Variants in CDH20 observed in about 807,000 individuals in gnomAD.
CDH20 encodes the protein cadherin-20.
In CDH20, 29 loss-of-function variants were observed where a neutral mutation model predicts 74.2. The ratio of observed to expected loss-of-function variants is 0.39; its 90% CI spans 0.29 to 0.53. The LOEUF (loss-of-function observed/expected upper bound fraction) is 0.53, where lower values mean the gene tolerates loss of function less well. Among genes scored for constraint, CDH20 ranks in the 20% least tolerant of loss-of-function variants. CDH20 has a pLI of 0.69. For missense variants in CDH20, 988 were observed against 1,048.3 expected, an observed-to-expected ratio of 0.94 and a Z score of 0.79; for synonymous variants, 469 against 405.4, an observed-to-expected ratio of 1.16 and a Z score of -1.88.
chr18:61,517,477 G>A (rs749905299), intron 6 of CDH20, among the ~76,000 whole-genome samples: 1 of 152,200 alleles, frequency 6.6e-6, no homozygotes, highest in Non-Finnish European at 1.5e-5. Context: ...CCTGGGAAGT[G>A]CAAGGGGTCA....
chr18:61,370,232 C>T (rs901244416), intron 1 of CDH20, among the ~76,000 whole-genome samples: 1 of 151,982 alleles, frequency 6.6e-6, no homozygotes, highest in Non-Finnish European at 1.5e-5. Context: ...GGAAATGAAA[C>T]AATATCAAGT....
chr18:61,432,691 G>C (rs1228483692), intron 1 of CDH20, among the ~76,000 whole-genome samples: 1 of 152,168 alleles, frequency 6.6e-6, no homozygotes, highest in Admixed American at 6.5e-5. Flanking sequence ...TGATGGCACA[G>C]AGCTGTGCAC....
intron 6 of CDH20, among the ~76,000 whole-genome samples, chr18:61,512,023 C>A (rs866414872): frequency 6.6e-6 from 1 of 152,292 alleles, no homozygotes; most frequent in East Asian, 1.9e-4. Flanking sequence ...CGCCCATCTT[C>A]CCACTTTGTC....
chr18:61,500,102 TAAAAAAAAAAAAAAAAAAAAAAA>T (rs534695760), intron 3 of CDH20, among the ~76,000 whole-genome samples: 37 of 56,576 alleles, frequency 6.5e-4, no homozygotes, highest in South Asian at 1.9e-3. Flanking sequence ...GACTCCATCT[TAAAAAAAAAAAAAAAAAAAAAAA>T]AAAAAAAAAA....
intron 1 of CDH20, among the ~76,000 whole-genome samples, chr18:61,379,296 C>T (rs1911354907): frequency 6.6e-6 from 1 of 152,156 alleles, no homozygotes; most frequent in South Asian, 2.1e-4. Flanking sequence ...ATTTCAACAG[C>T]TGTGAAGCAT....
chr18:61,512,660 T>C (rs1911826259), intron 6 of CDH20, among the ~76,000 whole-genome samples: 1 of 152,200 alleles, frequency 6.6e-6, no homozygotes. Flanking sequence ...TATAATATAT[T>C]TAAAGACATT....
chr18:61,416,173 C>A (rs2144260759), intron 1 of CDH20, among the ~76,000 whole-genome samples: 1 of 152,160 alleles, frequency 6.6e-6, no homozygotes, highest in Admixed American at 6.5e-5. Context: ...TAAATTTTCT[C>A]TTTGTTCTTT....
intron 1 of CDH20, among the ~76,000 whole-genome samples, chr18:61,423,510 C>A (rs1024823609): frequency 1.3e-5 from 2 of 152,162 alleles, no homozygotes; most frequent in Non-Finnish European, 2.9e-5. Flanking sequence ...CCTGACTCCC[C>A]TGAATATGCT....
rs577528269 is a variant in CDH20, at chr18:61,512,743, C to A, written c.1017+5183C>A. Among the ~76,000 whole-genome samples the A allele has an allele frequency of 9.4e-3, 1,435 of 152,160 alleles. 27 individuals carry two copies. The highest frequency in any genetic ancestry group is 0.032 in the African/African-American group (1,334 of 41,520). Reference sequence around the variant, plus strand: ...GTTTCAAAGAACATCTTTATTTCTGCCTTCATTTCGTTATGTACCCAGTAG... The same window carrying A: ...GTTTCAAAGAACATCTTTATTTCTGACTTCATTTCGTTATGTACCCAGTAG... On this transcript the variant is annotated intron_variant, in intron 6 of 11. Coordinates refer to ENST00000262717, the MANE Select transcript of CDH20 (RefSeq NM_031891.4).
At chr18:61,474,416 AG>A (rs1362077296) in intron 1 of CDH20, among the ~76,000 whole-genome samples, 1 of 152,110 alleles carries the variant, frequency 6.6e-6, no homozygotes, top group Non-Finnish European at 1.5e-5. Flanking sequence ...TTTCATCTTT[AG>A]GGCTCCATGG....
chr18:61,420,317 T>C (rs749968128), intron 1 of CDH20, among the ~76,000 whole-genome samples: 1 of 151,908 alleles, frequency 6.6e-6, no homozygotes, highest in Non-Finnish European at 1.5e-5. Context: ...ATGATTTCAG[T>C]AGGAGCACAA....
At position 61,353,067 on chromosome 18, in the gene CDH20, C is replaced by G. The variant is rs114737778; in HGVS notation, c.-153+19240C>G. On this transcript the variant is annotated intron_variant, in intron 1 of 11. Transcript: ENST00000262717. The surrounding 1 kb of genome is among the most constrained non-coding windows in gnomAD (Gnocchi z 4.6). ...AGCAACCTTCACATGCTGTCCATAGCTTCTATTTTATGGCTACCCTGGTCA... is the reference window on the plus strand; with the variant it reads ...AGCAACCTTCACATGCTGTCCATAGGTTCTATTTTATGGCTACCCTGGTCA... Among the ~76,000 whole-genome samples, 1 of 152,224 alleles carries G rather than the reference C, an allele frequency of 6.6e-6. No homozygotes were observed. The highest frequency in any genetic ancestry group is 2.4e-5 in the African/African-American group (1 of 41,454).
At chr18:61,456,206 T>C (rs1909566302) in intron 1 of CDH20, among the ~76,000 whole-genome samples, 1 of 152,232 alleles carries the variant, frequency 6.6e-6, no homozygotes, top group South Asian at 2.1e-4. Context: ...TGCTACATAA[T>C]AAACTTCAAT....
chr18:61,414,162 T>C (rs1912608456), intron 1 of CDH20, among the ~76,000 whole-genome samples: 1 of 152,098 alleles, frequency 6.6e-6, no homozygotes. Flanking sequence ...GTCGATGTGG[T>C]TGGTACTATA....
rs537056107 is a variant in CDH20 at position 61,475,282 on chromosome 18, G to T, written c.-152-15120G>T. 3.3e-5 allele frequency among the ~76,000 whole-genome samples: 5 copies of T among 152,304 alleles called. No homozygotes were observed. The South Asian group carries it at 1.0e-3, about 32-fold the overall frequency. ...CAGGTCTAAGTAGCCAGATATAGGG[G>T]TGTGAAGGTGGGGATGGAAGAAATC... On this transcript the variant is annotated intron_variant, in intron 1 of 11. Coordinates refer to ENST00000262717, the MANE Select transcript of CDH20 (RefSeq NM_031891.4).
intron 1 of CDH20, among the ~76,000 whole-genome samples, chr18:61,366,956 G>T (rs1910882302): frequency 1.3e-5 from 2 of 152,238 alleles, no homozygotes; most frequent in South Asian, 4.2e-4. Flanking sequence ...GCGCAAACAG[G>T]TAAAATCAAT....
intron 6 of CDH20, 73 bp downstream of exon 6, chr18:61,507,633 T>C: frequency 7.3e-6 from 8 of 1,088,666 alleles, no homozygotes; most frequent in Non-Finnish European, 1.1e-5. Flanking sequence ...TAAGGACTGT[T>C]GTATTATTGA....
chr18:61,369,067 T>A (rs944319853), intron 1 of CDH20, among the ~76,000 whole-genome samples: 6 of 151,806 alleles, frequency 4.0e-5, no homozygotes, highest in African/African-American at 1.5e-4. Context: ...GGATTTGGGA[T>A]TTGGGTTCAA....
chr18:61,490,661 C>G lies in CDH20; in HGVS notation c.108C>G (p.Thr36=). ...TTACGACCACCGTTCTCTCGGACAC[C>G]CCAACACCACAAGGTGAATTAGAAG... ...MDLTTTVLSD[T]PTPQGELEAL... Residue 36 remains threonine, a synonymous_variant, in exon 2 of 12, where the codon ACC becomes ACG. Coordinates refer to ENST00000262717, the MANE Select transcript of CDH20 (RefSeq NM_031891.4). The G allele has an allele frequency of 6.2e-7, 1 of 1,614,078 alleles. No individual in the cohort carries two copies. Among genetic ancestry groups the G allele is most frequent in the South Asian group, 1.1e-5 (1 of 91,064 alleles).
Sources: allele counts gnomAD v4.1 joint callset (sites outside exome capture counted in the v4.1 genomes callset), GRCh38; gene constraint gnomAD v4.1.1; non-coding constraint Gnocchi (gnomAD v3.1); transcripts MANE v1.5; gene names NCBI Gene and HGNC (gene_info 2026-07-23, HGNC 2026-07-21).